Variants in PRELID2 observed in about 807,000 individuals in gnomAD.
PRELID2 encodes the protein PRELI domain containing 2.
A neutral mutation model predicts 28.4 loss-of-function variants in PRELID2; 25 were observed. That is an observed-to-expected ratio of 0.88 (90% CI 0.64 to 1.23). The LOEUF (loss-of-function observed/expected upper bound fraction) is 1.23, where lower values mean the gene tolerates loss of function less well. Among genes scored for constraint, PRELID2 ranks in the 50% most tolerant of loss-of-function variants. The pLI, the probability that PRELID2 is intolerant of heterozygous loss-of-function variation, is 0.00. For missense variants in PRELID2, 201 were observed against 214.4 expected (o/e 0.94, Z 0.39); for synonymous variants, 76 against 71.6 (o/e 1.06, Z -0.31).
chr5:145,654,138 A>G lies in PRELID2; in HGVS notation n.70+110793T>C, dbSNP rs376420559. 7.9e-5 allele frequency among the ~76,000 whole-genome samples: 12 copies of G among 152,338 alleles called. No homozygotes were observed. The East Asian group carries it at 1.9e-3, about 24-fold the overall frequency. On this transcript the variant is annotated intron_variant and non_coding_transcript_variant, in intron 1 of 2. Transcript: ENST00000510259. ...ATAAACACCTCTACGCAAATAAACT[A>G]GAAAATCTAGAAGAAATGGATAAAT...
the PRELID2 span, among the ~76,000 whole-genome samples, chr5:145,402,483 G>T: frequency 1.7e-3 from 254 of 152,292 alleles, 4 homozygotes; most frequent in East Asian, 0.039. Context: ...GTTTGAATCA[G>T]ATCCAGGAAA....
chr5:145,750,010 G>A (rs923618427), intron 1 of PRELID2, among the ~76,000 whole-genome samples: 2 of 151,686 alleles, frequency 1.3e-5, no homozygotes, highest in African/African-American at 2.4e-5. Context: ...GGGTTGATAC[G>A]TGCAGCAAAC....
chr5:145,698,705 G>T (rs558508403), intron 1 of PRELID2, among the ~76,000 whole-genome samples: 3 of 152,132 alleles, frequency 2.0e-5, no homozygotes, highest in East Asian at 1.9e-4. Flanking sequence ...CCTCCCAAAG[G>T]CCCCACCTGT....
chr5:145,409,949 G>C, the PRELID2 span, among the ~76,000 whole-genome samples: 279 of 152,256 alleles, frequency 1.8e-3, 1 homozygote, highest in African/African-American at 6.4e-3. Context: ...CATGGAACTG[G>C]TATAAAAGTA....
At chr5:145,685,744 G>A (rs1201409237) in intron 1 of PRELID2, among the ~76,000 whole-genome samples, 2 of 152,174 alleles carry the variant, frequency 1.3e-5, no homozygotes, top group Admixed American at 6.5e-5. Context: ...AGGAGTCCCA[G>A]TGTATAGAGA....
the PRELID2 span, among the ~76,000 whole-genome samples, chr5:145,249,457 T>C: frequency 6.6e-6 from 1 of 152,162 alleles, no homozygotes; most frequent in Non-Finnish European, 1.5e-5. Context: ...GACAATGGAC[T>C]GTTACATTCC....
intron 6 of PRELID2, among the ~76,000 whole-genome samples, 176 bp from the exon 7 acceptor site, chr5:145,760,701 A>T (rs545366595): frequency 5.9e-5 from 9 of 152,254 alleles, no homozygotes; most frequent in African/African-American, 1.9e-4. Flanking sequence ...CAAGCACCTC[A>T]TTTTATTAAG....
rs1454542199 is a variant in PRELID2, at chr5:145,553,235, C to T, written n.71-79920G>A. Among the ~76,000 whole-genome samples the T allele has an allele frequency of 5.0e-5, 7 of 141,254 alleles. No homozygotes were observed. The East Asian group carries it at 1.5e-3, about 30-fold the overall frequency. The allele number at this position is 141,254 out of a possible 152,430, so 92.7% of individuals were successfully genotyped here. On this transcript the variant is annotated intron_variant and non_coding_transcript_variant, in intron 1 of 2. Coordinates refer to the PRELID2 transcript ENST00000510259. ...GTTAATTGCAAGAAGTCTGGTAAGG[C>T]TTTATAGACATGGTGCCTTGTAAGC... is the stretch of plus-strand genomic sequence containing the variant.
chr5:145,665,396 T>A (rs1299835131), intron 1 of PRELID2, among the ~76,000 whole-genome samples: 1 of 152,052 alleles, frequency 6.6e-6, no homozygotes, highest in African/African-American at 2.4e-5. Flanking sequence ...AGATCCAGGA[T>A]TGGGAAAAGA....
chr5:145,277,142 C>T, the PRELID2 span, among the ~76,000 whole-genome samples: 1 of 152,058 alleles, frequency 6.6e-6, no homozygotes, highest in Non-Finnish European at 1.5e-5. Flanking sequence ...CTATTTCCTG[C>T]CATAACCCTC....
chr5:145,577,943 A>G (rs969178835), intron 1 of PRELID2, among the ~76,000 whole-genome samples: 1 of 152,166 alleles, frequency 6.6e-6, no homozygotes, highest in African/African-American at 2.4e-5. Flanking sequence ...TAACTATAGG[A>G]CATTGAAACA....
At chr5:145,456,970 T>C in the PRELID2 span, among the ~76,000 whole-genome samples, 1 of 152,174 alleles carries the variant, frequency 6.6e-6, no homozygotes, top group Non-Finnish European at 1.5e-5. Flanking sequence ...GTCTTCTAAA[T>C]GCAAGATTAA....
At chr5:145,298,638 T>G in the PRELID2 span, among the ~76,000 whole-genome samples, 1 of 152,108 alleles carries the variant, frequency 6.6e-6, no homozygotes, top group African/African-American at 2.4e-5. Flanking sequence ...CATGTGATGA[T>G]GCAGCAAGAA....
chr5:145,414,913 A>G, the PRELID2 span, among the ~76,000 whole-genome samples: 19 of 152,326 alleles, frequency 1.2e-4, no homozygotes, highest in African/African-American at 4.6e-4. Context: ...GATTTGGAAA[A>G]TCATCACCAG....
intron 1 of PRELID2, among the ~76,000 whole-genome samples, chr5:145,695,338 G>T (rs1334364654): frequency 1.3e-5 from 2 of 152,216 alleles, no homozygotes; most frequent in Non-Finnish European, 2.9e-5. Context: ...GCAGAAAAGA[G>T]CTTGGTGCAT....
intron 1 of PRELID2, among the ~76,000 whole-genome samples, chr5:145,671,596 G>C (rs946884379): frequency 5.3e-5 from 8 of 152,178 alleles, no homozygotes; most frequent in Non-Finnish European, 1.0e-4. Context: ...TTTTCCAGCA[G>C]CTGTGGCAGA....
chr5:145,741,861 T>TG (rs1364878909), intron 1 of PRELID2, among the ~76,000 whole-genome samples: 11 of 37,006 alleles, frequency 3.0e-4, no homozygotes, highest in African/African-American at 8.1e-4. Flanking sequence ...TTTTTATAAT[T>TG]TAATTTAATA....
At chr5:145,521,960 T>C (rs1251578372) in intron 1 of PRELID2, among the ~76,000 whole-genome samples, 1 of 152,220 alleles carries the variant, frequency 6.6e-6, no homozygotes. Flanking sequence ...TTCCTTCTAA[T>C]ACAGCCTGTT....
At chr5:145,671,815 C>T (rs1754712699) in intron 1 of PRELID2, among the ~76,000 whole-genome samples, 1 of 152,066 alleles carries the variant, frequency 6.6e-6, no homozygotes, top group African/African-American at 2.4e-5. Context: ...CTACAAGAAA[C>T]CAGAAATCTA....
Sources: gnomAD v4.1 joint callset for allele counts (sites outside exome capture counted in the v4.1 genomes callset) on GRCh38, gnomAD v4.1.1 for gene constraint, MANE v1.5 for transcripts, NCBI Gene and HGNC (gene_info 2026-07-23, HGNC 2026-07-21) for gene names.